INPP4B: variants seen among roughly 807,000 people sequenced by gnomAD.
The protein encoded by INPP4B is inositol polyphosphate-4-phosphatase type II B.
A neutral mutation model predicts 122.5 loss-of-function variants in INPP4B; 55 were observed. That is an observed-to-expected ratio of 0.45 (90% CI 0.36 to 0.56). The LOEUF (loss-of-function observed/expected upper bound fraction) is 0.56, where lower values mean the gene tolerates loss of function less well. Ranked by LOEUF, INPP4B falls within the 20% of genes least tolerant of loss-of-function variation. The probability of loss-of-function intolerance (pLI) is 0.00; values close to 1 mark genes in which losing one functional copy is unlikely to be tolerated. For missense variants in INPP4B, 1,000 were observed against 1,097.7 expected, an observed-to-expected ratio of 0.91 and a Z score of 1.26; for synonymous variants, 403 against 388.7, an observed-to-expected ratio of 1.04 and a Z score of -0.43.
chr4:142,450,187 T>TCAGC (rs1813833220), intron 3 of INPP4B, among the ~76,000 whole-genome samples: 1 of 152,144 alleles, frequency 6.6e-6, no homozygotes, highest in Admixed American at 6.6e-5. Flanking sequence ...GGCACCCCAC[T>TCAGC]CAGCCCCTGG....
At chr4:142,331,858 T>A (rs1318636308) in intron 7 of INPP4B, among the ~76,000 whole-genome samples, 1 of 149,954 alleles carries the variant, frequency 6.7e-6, no homozygotes, top group Non-Finnish European at 1.5e-5. Context: ...ACAGATCATA[T>A]TATGAGGCAA....
chr4:142,332,786 C>T (rs1487191411), intron 7 of INPP4B, among the ~76,000 whole-genome samples: 2 of 149,954 alleles, frequency 1.3e-5, no homozygotes, highest in Admixed American at 6.7e-5. Context: ...GGGCTGATCA[C>T]GAGGTCAGGA....
At chr4:142,308,440 T>C (rs1371580808) in intron 8 of INPP4B, among the ~76,000 whole-genome samples, 1 of 152,168 alleles carries the variant, frequency 6.6e-6, no homozygotes, top group African/African-American at 2.4e-5. Context: ...GTGAGGACAA[T>C]TGTTTTATGC....
At chr4:142,202,893 T>G (rs190589477) in intron 14 of INPP4B, 1 of 364,428 alleles carries the variant, frequency 2.7e-6, no homozygotes, top group African/African-American at 2.2e-5. Context: ...TGAAAAGCCA[T>G]GAGAGACTAT....
At chr4:142,580,281 AG>A (rs773039568) in intron 2 of INPP4B, among the ~76,000 whole-genome samples, 2 of 151,874 alleles carry the variant, frequency 1.3e-5, no homozygotes, top group Non-Finnish European at 2.9e-5. Flanking sequence ...AAAGCAGCAA[AG>A]GGTTATTGCA....
In INPP4B at chr4:142,329,403, G is replaced by A. The variant is rs552327981; in HGVS notation, c.373-14641C>T. Among the ~76,000 whole-genome samples, 19 of 152,356 alleles carry A rather than the reference G, an allele frequency of 1.2e-4. 1 individual carries two copies. In the South Asian group the frequency reaches 3.9e-3, roughly 32 times the overall value. On this transcript the variant is annotated intron_variant, in intron 7 of 25. Coordinates refer to ENST00000262992, the MANE Select transcript of INPP4B (RefSeq NM_001101669.3). ...AAAAGGGGAAAGAAGTGAAAGTTGG[G>A]TGGAAGAAAGGCAGGGCTCTGGGAA...
rs1025750683 is a variant in INPP4B at position 142,347,278 on chromosome 4, C to T, written c.373-32516G>A. On this transcript the variant is annotated intron_variant, in intron 7 of 25. Coordinates refer to ENST00000262992, the MANE Select transcript of INPP4B (RefSeq NM_001101669.3). ...ATTTACTATGTTCCCTCCACCCAGA[C>T]CCAAAATTCTTCAACCAACCTCTTA... is the stretch of plus-strand genomic sequence containing the variant. 4.7e-5 allele frequency: 8 copies of T among 169,912 alleles called. No individual in the cohort carries two copies. The South Asian group carries it at 1.1e-3, about 22-fold the overall frequency. 10.5% of individuals were successfully genotyped at this position (169,912 alleles called of 1,614,324 possible). A position where few individuals can be genotyped will look rare whatever the true frequency, so the allele number is the denominator to read the frequency against.
At chr4:142,230,721 C>T (rs868203132) in intron 12 of INPP4B, among the ~76,000 whole-genome samples, 1 of 148,792 alleles carries the variant, frequency 6.7e-6, no homozygotes, top group Non-Finnish European at 1.5e-5. Context: ...TTTATCTTTT[C>T]TCTTTTATAA....
chr4:142,083,993 C>T (rs1775460450), intron 24 of INPP4B, among the ~76,000 whole-genome samples: 1 of 152,136 alleles, frequency 6.6e-6, no homozygotes, highest in Non-Finnish European at 1.5e-5. Flanking sequence ...TCAGAGTACA[C>T]AGGTTAGGCC....
rs528592305 is a variant in INPP4B at position 142,371,951 on chromosome 4, GA to G, written c.372+30986del. Among the ~76,000 whole-genome samples the G allele has an allele frequency of 2.0e-3, 305 of 150,914 alleles. 3 individuals are homozygous for G. The highest frequency in any genetic ancestry group is 7.1e-3 in the African/African-American group (291 of 41,164). ...ACTGTTAGTATTTATCAAAACGAAAGAAAATCAGTATATCAAAGGGATACCT... is the reference window on the plus strand; with the variant it reads ...ACTGTTAGTATTTATCAAAACGAAAGAAATCAGTATATCAAAGGGATACCT... On this transcript the variant is annotated intron_variant, in intron 7 of 25. Transcript: ENST00000262992.
intron 7 of INPP4B, among the ~76,000 whole-genome samples, chr4:142,401,552 T>C (rs1307353823): frequency 6.6e-6 from 1 of 152,198 alleles, no homozygotes; most frequent in African/African-American, 2.4e-5. Context: ...CCTTAATTGA[T>C]TTTTACTATT....
intron 1 of INPP4B, among the ~76,000 whole-genome samples, chr4:142,798,846 T>TTGTGTG (rs70949190): frequency 0.087 from 12,941 of 149,124 alleles, 615 homozygotes; most frequent in South Asian, 0.14. Flanking sequence ...GTGTATATGT[T>TTGTGTG]TGTGTGTGTG....
At chr4:142,369,106 C>T (rs1416948561) in intron 7 of INPP4B, among the ~76,000 whole-genome samples, 1 of 152,024 alleles carries the variant, frequency 6.6e-6, no homozygotes, top group African/African-American at 2.4e-5. Context: ...TGTTAGCTCT[C>T]CTAAAGTATC....
At chr4:142,467,899 T>C (rs545118226) in intron 2 of INPP4B, 6 of 152,224 alleles carry the variant, frequency 3.9e-5, no homozygotes, top group Admixed American at 2.6e-4. Context: ...GTTCATGCAA[T>C]ATCTGGTTAT....
At chr4:142,054,728 T>G (rs982387933) in intron 25 of INPP4B, among the ~76,000 whole-genome samples, 4 of 152,078 alleles carry the variant, frequency 2.6e-5, no homozygotes, top group African/African-American at 9.7e-5. Context: ...CACAAAAGAT[T>G]CCTATATCAT....
chr4:142,230,714 ATCTTT>A (rs1403966586), intron 12 of INPP4B, among the ~76,000 whole-genome samples: 2 of 151,112 alleles, frequency 1.3e-5, no homozygotes, highest in African/African-American at 4.8e-5. Flanking sequence ...AAGTGATTTT[ATCTTT>A]TCTCTTTTAT....
chr4:142,652,450 T>C lies in INPP4B; in HGVS notation c.-191+73389A>G, dbSNP rs559896212. Among the ~76,000 whole-genome samples, 341 of 152,320 alleles carry C rather than the reference T, an allele frequency of 2.2e-3. 1 individual carries two copies. Among genetic ancestry groups the C allele is most frequent in the African/African-American group, 7.7e-3 (319 of 41,562 alleles). Reference sequence around the variant, plus strand: ...AAATTGTCCCTGTTTGCAGAGGACATGATTGTATATTTAGAAAACCCCATC... The same window carrying C: ...AAATTGTCCCTGTTTGCAGAGGACACGATTGTATATTTAGAAAACCCCATC... On this transcript the variant is annotated intron_variant, in intron 2 of 25. Transcript: ENST00000262992.
intron 2 of INPP4B, among the ~76,000 whole-genome samples, chr4:142,571,004 C>G (rs1580394999): frequency 6.6e-6 from 1 of 151,348 alleles, no homozygotes; most frequent in East Asian, 2.0e-4. Flanking sequence ...CCTTTCATGA[C>G]CCTACCCCTA....
At chr4:142,555,258 C>G (rs532656860) in intron 2 of INPP4B, among the ~76,000 whole-genome samples, 2 of 152,128 alleles carry the variant, frequency 1.3e-5, no homozygotes, top group African/African-American at 2.4e-5. Flanking sequence ...ACAGGTCACT[C>G]GGGCACACTG....
Sources: gnomAD v4.1 joint callset for allele counts (sites outside exome capture counted in the v4.1 genomes callset) on GRCh38, gnomAD v4.1.1 for gene constraint, MANE v1.5 for transcripts, NCBI Gene and HGNC (gene_info 2026-07-23, HGNC 2026-07-21) for gene names.